BNC2: variants seen among roughly 807,000 people sequenced by gnomAD.
BNC2 encodes the protein zinc finger protein basonuclin-2.
Under a neutral mutation model 76.3 loss-of-function variants are expected in BNC2, and 20 were observed. The ratio of observed to expected loss-of-function variants is 0.26; its 90% confidence interval spans 0.18 to 0.38. The LOEUF (loss-of-function observed/expected upper bound fraction) is 0.38. BNC2 is among the 10% of genes least tolerant of loss of function. The pLI is 1.00. For missense variants in BNC2, 1,382 were observed against 1,399.8 expected (o/e 0.99, Z 0.20); for synonymous variants, 582 against 514.8 (o/e 1.13, Z -1.77).
intron 1 of BNC2, among the ~76,000 whole-genome samples, chr9:16,774,295 A>C (rs1436906574): frequency 6.6e-6 from 1 of 152,182 alleles, no homozygotes; most frequent in Non-Finnish European, 1.5e-5. Flanking sequence ...AATTGCCAGT[A>C]TACTAATAAG....
chr9:16,726,002 G>GCACACACA (rs3083820), intron 3 of BNC2, among the ~76,000 whole-genome samples: 1 of 151,140 alleles, frequency 6.6e-6, no homozygotes, highest in African/African-American at 2.4e-5. Context: ...ACACACACAC[G>GCACACACA]CACACACACA....
At chr9:16,581,591 C>T (rs1475653315) in intron 4 of BNC2, among the ~76,000 whole-genome samples, 2 of 152,098 alleles carry the variant, frequency 1.3e-5, no homozygotes, top group East Asian at 3.9e-4. Flanking sequence ...ACCAACCCTG[C>T]CAACACTTTG....
chr9:16,857,575 TA>T (rs1253341956), intron 1 of BNC2, among the ~76,000 whole-genome samples: 2 of 151,586 alleles, frequency 1.3e-5, no homozygotes, highest in East Asian at 1.9e-4. Context: ...AAATTATCCT[TA>T]AAATACATCA....
intron 1 of BNC2, among the ~76,000 whole-genome samples, chr9:16,780,830 T>C (rs2135549419): frequency 6.6e-6 from 1 of 152,230 alleles, no homozygotes; most frequent in African/African-American, 2.4e-5. Context: ...GGAAACATCC[T>C]TGACATCTTT....
chr9:16,760,012 C>G (rs1167946765), intron 1 of BNC2, among the ~76,000 whole-genome samples: 1 of 152,188 alleles, frequency 6.6e-6, no homozygotes, highest in African/African-American at 2.4e-5. Flanking sequence ...CGTGAGCCAC[C>G]GCGCGGGGCC....
At position 16,774,390 on chromosome 9, in the gene BNC2, T is replaced by C. The variant is rs573838963; in HGVS notation, c.4-35905A>G. On this transcript the variant is annotated intron_variant, in intron 1 of 6. Coordinates refer to ENST00000380672, the MANE Select transcript of BNC2 (RefSeq NM_017637.6). ...GATCTGATGAACCAAATGCATCCAA[T>C]GACAGTTTCGATTCCATTTAAAAAT... Among the ~76,000 whole-genome samples the C allele has an allele frequency of 9.8e-5, 15 of 152,346 alleles. 1 individual carries two copies. In the South Asian group the frequency reaches 1.2e-3, roughly 13 times the overall value.
intron 3 of BNC2, among the ~76,000 whole-genome samples, chr9:16,700,592 C>T (rs902259824): frequency 2.0e-4 from 31 of 152,146 alleles, no homozygotes; most frequent in African/African-American, 6.3e-4. Flanking sequence ...ACTATAGGTG[C>T]GTGCCAGCAA....
chr9:16,678,983 AAAC>A (rs1195646564), intron 3 of BNC2, among the ~76,000 whole-genome samples: 3 of 152,310 alleles, frequency 2.0e-5, no homozygotes, highest in Admixed American at 6.5e-5. Flanking sequence ...AATAGCAAGA[AAAC>A]AACATGGATG....
intron 5 of BNC2, among the ~76,000 whole-genome samples, chr9:16,440,270 A>T (rs7020739): frequency 0.11 from 16,052 of 152,114 alleles, 2,407 homozygotes; most frequent in African/African-American, 0.33. Context: ...GTGTGTCCAC[A>T]GTACTCAGTG....
intron 3 of BNC2, among the ~76,000 whole-genome samples, chr9:16,659,808 A>G (rs1822056020): frequency 6.6e-6 from 1 of 152,010 alleles, no homozygotes; most frequent in African/African-American, 2.4e-5. Flanking sequence ...CTCTAGCCTC[A>G]CTTCCCATCC....
intron 3 of BNC2, among the ~76,000 whole-genome samples, chr9:16,637,858 T>C (rs980012315): frequency 6.6e-6 from 1 of 152,172 alleles, no homozygotes; most frequent in Admixed American, 6.5e-5. Flanking sequence ...AATGCATAGA[T>C]TCAAAATGCG....
At chr9:16,512,606 C>A (rs1822783558) in intron 5 of BNC2, among the ~76,000 whole-genome samples, 3 of 152,104 alleles carry the variant, frequency 2.0e-5, no homozygotes, top group Non-Finnish European at 4.4e-5. Flanking sequence ...TGTTGTTTTA[C>A]TTTATACATT....
rs1241018577 is a variant in BNC2, at chr9:16,435,776, C to G, written c.2418G>C (p.Glu806Asp). 6.2e-7 allele frequency: 1 copy of G among 1,613,970 alleles called. No homozygotes were observed. Among genetic ancestry groups the G allele is most frequent in the Admixed American group, 1.7e-5 (1 of 60,002 alleles). ...GGGASMAALH[E>D]SFTSSLNYGS... is the part of the protein sequence containing the mutation. ...CATAATTCAGAGACGATGTAAAGCTCTCATGCAAGGCGGCCATGCTGGCAC... is the reference window on the plus strand; with the variant it reads ...CATAATTCAGAGACGATGTAAAGCTGTCATGCAAGGCGGCCATGCTGGCAC... The change falls in exon 6 of 7, where the codon GAG (glutamate) becomes GAC (aspartate). Residue 806 changes from glutamate (E) to aspartate (D), a missense_variant. Coordinates refer to ENST00000380672, the MANE Select transcript of BNC2 (RefSeq NM_017637.6).
intron 5 of BNC2, among the ~76,000 whole-genome samples, chr9:16,532,609 T>C (rs984739391): frequency 5.3e-5 from 8 of 152,176 alleles, no homozygotes; most frequent in African/African-American, 1.9e-4. Context: ...CAGACGACAT[T>C]AAAAATTAAA....
rs531953114 is a variant in BNC2, at chr9:16,808,105, T to C, written c.3+62541A>G. Among the ~76,000 whole-genome samples, 42 of 152,326 alleles carry C rather than the reference T, an allele frequency of 2.8e-4. No individual in the cohort carries two copies. The South Asian group carries it at 6.8e-3, about 25-fold the overall frequency. Reference sequence around the variant, plus strand: ...ATTAAAAATGTGTAACTCACCTATTTAAAGAATAACAAAATTTCAGAGTAT... The same window carrying C: ...ATTAAAAATGTGTAACTCACCTATTCAAAGAATAACAAAATTTCAGAGTAT... On this transcript the variant is annotated intron_variant, in intron 1 of 6. Transcript: ENST00000380672.
At chr9:16,674,905 A>C (rs192255953) in intron 3 of BNC2, among the ~76,000 whole-genome samples, 1 of 152,304 alleles carries the variant, frequency 6.6e-6, no homozygotes, top group Non-Finnish European at 1.5e-5. Flanking sequence ...GGCAGTTTTG[A>C]AACAGATTAT....
At chr9:16,514,576 A>C (rs1822835375) in intron 5 of BNC2, among the ~76,000 whole-genome samples, 1 of 152,210 alleles carries the variant, frequency 6.6e-6, no homozygotes, top group African/African-American at 2.4e-5. Context: ...TGTTATCTGT[A>C]TCATAAACTT....
chr9:16,462,302 T>C (rs1821600089), intron 5 of BNC2, among the ~76,000 whole-genome samples: 1 of 152,222 alleles, frequency 6.6e-6, no homozygotes, highest in Non-Finnish European at 1.5e-5. Context: ...TAAGAATTAA[T>C]AAAGTGATAC....
At chr9:16,842,838 G>C (rs1818869672) in intron 1 of BNC2, among the ~76,000 whole-genome samples, 1 of 151,960 alleles carries the variant, frequency 6.6e-6, no homozygotes, top group African/African-American at 2.4e-5. Context: ...TGCAATCTCT[G>C]TCTCTTGGGT....
Sources: allele counts gnomAD v4.1 joint callset (sites outside exome capture counted in the v4.1 genomes callset), GRCh38; gene constraint gnomAD v4.1.1; transcripts MANE v1.5; gene names NCBI Gene and HGNC (gene_info 2026-07-23, HGNC 2026-07-21).